Variants in STT3B observed in about 807,000 individuals in gnomAD.
STT3B encodes dolichyl-diphosphooligosaccharide--protein glycosyltransferase subunit STT3B.
A neutral mutation model predicts 96.8 loss-of-function variants in STT3B; 29 were observed. The observed-to-expected ratio is 0.30, with a 90% confidence interval of 0.22 to 0.41. The LOEUF (loss-of-function observed/expected upper bound fraction) is 0.41, where lower values mean the gene tolerates loss of function less well. Ranked by LOEUF, STT3B falls within the 10% of genes least tolerant of loss-of-function variation. The pLI is 1.00. For synonymous variants in STT3B, 367 were observed against 360.0 expected (o/e 1.02, Z -0.22); for missense variants, 640 against 1,022.3 (o/e 0.63, Z 5.10).
chr3:31,584,785 A>G (rs906743356), intron 3 of STT3B, among the ~76,000 whole-genome samples: 1 of 152,148 alleles, frequency 6.6e-6, no homozygotes, highest in African/African-American at 2.4e-5. Context: ...GAGTTCTGGC[A>G]TAAAATACTC....
At chr3:31,558,171 T>C (rs1346975239) in intron 1 of STT3B, among the ~76,000 whole-genome samples, 1 of 152,222 alleles carries the variant, frequency 6.6e-6, no homozygotes, top group East Asian at 1.9e-4. Flanking sequence ...TGCCTTTTAC[T>C]TTTGTCCTCT....
chr3:31,610,466 A>G (rs1235909725), intron 5 of STT3B, among the ~76,000 whole-genome samples: 1 of 123,782 alleles, frequency 8.1e-6, no homozygotes, highest in Non-Finnish European at 1.9e-5. Flanking sequence ...TGTAAAGAGC[A>G]CTGTCAATGT....
At position 31,563,127 on chromosome 3, in the gene STT3B, T is replaced by A. The variant is rs1282463090; in HGVS notation, c.315-13269T>A. 2.0e-5 allele frequency among the ~76,000 whole-genome samples: 3 copies of A among 152,184 alleles called. No homozygotes were observed. The South Asian group carries it at 6.2e-4, about 32-fold the overall frequency. Reference sequence around the variant, plus strand: ...CCTCTTTTTCCTTGCTTTTGATGCTTCCCATCACTACTCTCTTGAATTTCA... The same window carrying A: ...CCTCTTTTTCCTTGCTTTTGATGCTACCCATCACTACTCTCTTGAATTTCA... On this transcript the variant is annotated intron_variant, in intron 1 of 15. Coordinates refer to ENST00000295770, the MANE Select transcript of STT3B (RefSeq NM_178862.3).
chr3:31,580,190 T>C (rs752789014), intron 3 of STT3B, 94 bp downstream of exon 3: 5 of 1,208,216 alleles, frequency 4.1e-6, no homozygotes, highest in Non-Finnish European at 5.9e-6. Flanking sequence ...TTACAAATTA[T>C]GTAGTTGCGT....
intron 13 of STT3B, among the ~76,000 whole-genome samples, chr3:31,628,236 G>A (rs1279423415): frequency 2.0e-4 from 30 of 150,560 alleles, no homozygotes; most frequent in African/African-American, 6.4e-4. Context: ...GCGGGCGGGC[G>A]GTGGAGTCCC....
intron 5 of STT3B, among the ~76,000 whole-genome samples, chr3:31,604,606 G>A (rs1308893537): frequency 6.6e-6 from 1 of 152,140 alleles, no homozygotes. Flanking sequence ...ATGATACAAA[G>A]ATGAATAAAA....
chr3:31,595,722 G>A (rs1026780583), intron 3 of STT3B, among the ~76,000 whole-genome samples: 3 of 152,108 alleles, frequency 2.0e-5, no homozygotes, highest in Non-Finnish European at 4.4e-5. Context: ...CCTCTAGATT[G>A]TGAGCTTTTT....
intron 3 of STT3B, among the ~76,000 whole-genome samples, chr3:31,580,396 A>G (rs1417585162): frequency 1.3e-5 from 2 of 152,168 alleles, no homozygotes; most frequent in East Asian, 1.9e-4. Context: ...GTTACCCAGG[A>G]AAGTTGAAGC....
intron 5 of STT3B, among the ~76,000 whole-genome samples, chr3:31,602,125 A>G (rs1698942048): frequency 6.6e-6 from 1 of 152,088 alleles, no homozygotes; most frequent in Non-Finnish European, 1.5e-5. Flanking sequence ...CCTGTCTCTG[A>G]TTGCATGAAT....
intron 2 of STT3B, among the ~76,000 whole-genome samples, chr3:31,578,968 C>A (rs781745008): frequency 5.9e-5 from 9 of 152,112 alleles, no homozygotes; most frequent in Admixed American, 1.3e-4. Context: ...TTTGTAGTTT[C>A]TGTTATGGAG....
intron 1 of STT3B, among the ~76,000 whole-genome samples, chr3:31,563,155 G>A (rs895984314): frequency 6.6e-6 from 1 of 151,996 alleles, no homozygotes; most frequent in Non-Finnish European, 1.5e-5. Flanking sequence ...GAATTTCATT[G>A]TTCTCTCTCA....
chr3:31,560,075 T>C (rs1339208675), intron 1 of STT3B, among the ~76,000 whole-genome samples: 4 of 152,152 alleles, frequency 2.6e-5, no homozygotes, highest in Admixed American at 2.6e-4. Flanking sequence ...ATATGTGTCT[T>C]CACAGGTGAG....
intron 2 of STT3B, among the ~76,000 whole-genome samples, chr3:31,578,438 A>T (rs1355167416): frequency 6.6e-6 from 1 of 151,616 alleles, no homozygotes; most frequent in African/African-American, 2.4e-5. Flanking sequence ...TTGTTGATTT[A>T]TTTTTGGTTC....
At chr3:31,596,136 A>G (rs1287669282) in intron 3 of STT3B, among the ~76,000 whole-genome samples, 2 of 152,148 alleles carry the variant, frequency 1.3e-5, no homozygotes, top group East Asian at 1.9e-4. Flanking sequence ...TCTTTCAGCC[A>G]ATTGGATTGA....
At chr3:31,551,409 G>A (rs559114090) in intron 1 of STT3B, among the ~76,000 whole-genome samples, 1 of 152,134 alleles carries the variant, frequency 6.6e-6, no homozygotes, top group Admixed American at 6.5e-5. Flanking sequence ...GTAGAGACAG[G>A]TTTTGCCATG....
At position 31,549,587 on chromosome 3, in the gene STT3B, A is replaced by T. The variant is rs922071903; in HGVS notation, c.314+16275A>T. Among the ~76,000 whole-genome samples, 4 of 152,268 alleles carry T rather than the reference A, an allele frequency of 2.6e-5. 1 individual carries two copies. Among genetic ancestry groups the T allele is most frequent in the East Asian group, 1.9e-4 (1 of 5,184 alleles). ...ATAATGCTTGTTAGTTATACATTTT[A>T]TATTTATAGTATATGACTATGGGTC... On this transcript the variant is annotated intron_variant, in intron 1 of 15. Coordinates refer to ENST00000295770, the MANE Select transcript of STT3B (RefSeq NM_178862.3).
intron 1 of STT3B, among the ~76,000 whole-genome samples, chr3:31,549,050 TTTAA>T (rs1697486547): frequency 6.6e-6 from 1 of 152,164 alleles, no homozygotes; most frequent in African/African-American, 2.4e-5. Flanking sequence ...TTAATTTTTT[TTTAA>T]TTAATGTTCC....
At chr3:31,585,255 C>A (rs1698509571) in intron 3 of STT3B, among the ~76,000 whole-genome samples, 1 of 152,016 alleles carries the variant, frequency 6.6e-6, no homozygotes, top group Admixed American at 6.6e-5. Context: ...AGAGTAAAGT[C>A]TATAGCATAA....
At chr3:31,566,220 C>G (rs1698001707) in intron 1 of STT3B, among the ~76,000 whole-genome samples, 1 of 152,162 alleles carries the variant, frequency 6.6e-6, no homozygotes, top group African/African-American at 2.4e-5. Flanking sequence ...GAAGGTGATA[C>G]AAATGATTTA....
Sources: gnomAD v4.1 joint callset for allele counts (sites outside exome capture counted in the v4.1 genomes callset) on GRCh38, gnomAD v4.1.1 for gene constraint, MANE v1.5 for transcripts, NCBI Gene and HGNC (gene_info 2026-07-23, HGNC 2026-07-21) for gene names.